The following POC1A variants were observed in gnomAD, a reference collection of about 807,000 sequenced individuals.
POC1A encodes the protein POC1 centriolar protein homolog A.
Under a neutral mutation model 47.8 loss-of-function variants are expected in POC1A, and 34 were observed. The observed-to-expected ratio is 0.71, with a 90% CI of 0.54 to 0.95. POC1A has a LOEUF of 0.95. POC1A is among the 40% of genes least tolerant of loss of function. POC1A has a pLI of 0.00. For missense variants in POC1A, 466 were observed against 528.3 expected, an observed-to-expected ratio of 0.88 and a Z score of 1.16; for synonymous variants, 177 against 207.6, an observed-to-expected ratio of 0.85 and a Z score of 1.27.
chr3:52,124,296 T>C (rs1024396152), intron 8 of POC1A, among the ~76,000 whole-genome samples: 1 of 152,198 alleles, frequency 6.6e-6, no homozygotes. Flanking sequence ...GGTTAGACTC[T>C]TCAGTGCTCC....
rs1276302367 is a variant in POC1A at position 52,149,903 on chromosome 3, G to A, written c.188C>T (p.Ala63Val). ...AGGAGAGAAGTTCACACAGGTGACGGCATCCTTGTGGCCAGTGAAGCGGTA... is the reference window on the plus strand; with the variant it reads ...AGGAGAGAAGTTCACACAGGTGACGACATCCTTGTGGCCAGTGAAGCGGTA... ...RAYRFTGHKDAVTCVNFSPSG... is the reference protein window; with the variant it reads ...RAYRFTGHKDVVTCVNFSPSG... Residue 63 changes from alanine to valine, a missense_variant, in exon 3 of 11, where the codon GCC (alanine) becomes GTC (valine). By Grantham distance (64) the Ala-to-Val change is moderately conservative. Coordinates refer to ENST00000296484, the MANE Select transcript of POC1A (RefSeq NM_015426.5). 6.2e-7 allele frequency: 1 copy of A among 1,613,834 alleles called. No individual in the cohort carries two copies. The highest frequency in any genetic ancestry group is 8.5e-7 in the Non-Finnish European group (1 of 1,179,992).
At chr3:52,114,656 C>T (rs1577862654) in intron 9 of POC1A, among the ~76,000 whole-genome samples, 1 of 152,182 alleles carries the variant, frequency 6.6e-6, no homozygotes, top group Non-Finnish European at 1.5e-5. Flanking sequence ...AGGCTATTCA[C>T]CAGCAGGTCA....
At chr3:52,103,385 G>A (rs1276747402) in intron 9 of POC1A, among the ~76,000 whole-genome samples, 1 of 152,208 alleles carries the variant, frequency 6.6e-6, no homozygotes, top group Non-Finnish European at 1.5e-5. Flanking sequence ...AATTAGCCAG[G>A]TGTGGTGGCG....
At chr3:52,103,249 G>A (rs190183728) in intron 9 of POC1A, among the ~76,000 whole-genome samples, 9 of 152,340 alleles carry the variant, frequency 5.9e-5, no homozygotes, top group African/African-American at 1.9e-4. Context: ...CTGTAAGGCC[G>A]GGTATAATGG....
rs532261897 is a variant in POC1A, at chr3:52,102,853, G to C, written c.982-6141C>G. ...CTCCCAAATCACCTATAGGCATCAA[G>C]AAGTTGATTCTAAAATTTACATGGA... On this transcript the variant is annotated intron_variant, in intron 9 of 10. Transcript: ENST00000296484. Among the ~76,000 whole-genome samples the C allele has an allele frequency of 3.3e-5, 5 of 152,246 alleles. No individual in the cohort carries two copies. In the East Asian group the frequency reaches 9.6e-4, roughly 29 times the overall value.
At chr3:52,103,575 A>G (rs1465028778) in intron 9 of POC1A, among the ~76,000 whole-genome samples, 1 of 152,144 alleles carries the variant, frequency 6.6e-6, no homozygotes, top group African/African-American at 2.4e-5. Flanking sequence ...TATAAAACTG[A>G]TACACATTTT....
At chr3:52,138,123 G>T in intron 7 of POC1A, 46 bp downstream of exon 7, 1 of 1,608,254 alleles carries the variant, frequency 6.2e-7, no homozygotes, top group Non-Finnish European at 8.5e-7. Context: ...AGACAGTGAA[G>T]GTACCACCAC....
At chr3:52,140,199 A>G (rs1698143940) in intron 6 of POC1A, among the ~76,000 whole-genome samples, 1 of 152,182 alleles carries the variant, frequency 6.6e-6, no homozygotes, top group Non-Finnish European at 1.5e-5. Context: ...GGGAGTCTGG[A>G]TACGTGTTCC....
rs149906693 is a variant in POC1A, at chr3:52,129,587, T to C, written c.814-4406A>G. Among the ~76,000 whole-genome samples, 1,513 of 152,272 alleles carry C rather than the reference T, an allele frequency of 9.9e-3. 12 individuals are homozygous for C. Among genetic ancestry groups the C allele is most frequent in the Middle Eastern group, 0.02 (6 of 294 alleles). On this transcript the variant is annotated intron_variant, in intron 7 of 10. Coordinates refer to ENST00000296484, the MANE Select transcript of POC1A (RefSeq NM_015426.5). ...GTGTGGATGCCGGCCTGCCCCCAGCTACCAGAGGTACCCACCTGTGGGAAG... is the reference window on the plus strand; with the variant it reads ...GTGTGGATGCCGGCCTGCCCCCAGCCACCAGAGGTACCCACCTGTGGGAAG...
At chr3:52,086,272 G>A (rs971683794) in intron 10 of POC1A, among the ~76,000 whole-genome samples, 1 of 152,180 alleles carries the variant, frequency 6.6e-6, no homozygotes, top group Non-Finnish European at 1.5e-5. Flanking sequence ...CAGGGCAAAC[G>A]TCCTGGGGCT....
chr3:52,112,365 C>A (rs1188162136), intron 9 of POC1A, among the ~76,000 whole-genome samples: 1 of 152,118 alleles, frequency 6.6e-6, no homozygotes, highest in Non-Finnish European at 1.5e-5. Context: ...GTTGGCTGGG[C>A]GTGGTGGCTC....
chr3:52,100,997 C>T (rs146422048), intron 9 of POC1A, among the ~76,000 whole-genome samples: 5 of 151,322 alleles, frequency 3.3e-5, no homozygotes, highest in Admixed American at 6.6e-5. Context: ...GGAGCAGGAC[C>T]GCTAAGAATG....
At chr3:52,107,302 G>A (rs1018220818) in intron 9 of POC1A, among the ~76,000 whole-genome samples, 1 of 152,224 alleles carries the variant, frequency 6.6e-6, no homozygotes, top group Admixed American at 6.5e-5. Context: ...GGAACACAGA[G>A]GGGGAGGACT....
At chr3:52,083,716 AGCTCCAGGTGGAGTCAGGCCCCTGCCACG>A (rs1320380998) in intron 10 of POC1A, among the ~76,000 whole-genome samples, 1 of 152,094 alleles carries the variant, frequency 6.6e-6, no homozygotes, top group African/African-American at 2.4e-5. Context: ...CCTGGGACTG[AGCTCCAGGTGGAGTCAGGCCCCTGCCACG>A]GCTCACCTGC....
chr3:52,148,147 C>T (rs947789160), intron 4 of POC1A, among the ~76,000 whole-genome samples: 12 of 152,184 alleles, frequency 7.9e-5, no homozygotes, highest in Non-Finnish European at 1.0e-4. Context: ...CCAGGTCCTC[C>T]GAGTCTACAT....
intron 6 of POC1A, among the ~76,000 whole-genome samples, chr3:52,142,139 T>G (rs1169992145): frequency 4.6e-5 from 7 of 152,226 alleles, no homozygotes; most frequent in Admixed American, 2.0e-4. Context: ...ATCTGTGAAA[T>G]GGAGGGTAGA....
intron 8 of POC1A, 48 bp from the exon 9 acceptor site, chr3:52,122,525 G>A (rs1003949147): frequency 4.2e-6 from 5 of 1,180,614 alleles, no homozygotes; most frequent in Admixed American, 1.7e-5. Context: ...AAATCCCCTT[G>A]CCAGTCCTTC....
At chr3:52,121,681 C>A (rs1703786545) in intron 9 of POC1A, among the ~76,000 whole-genome samples, 1 of 152,180 alleles carries the variant, frequency 6.6e-6, no homozygotes, top group African/African-American at 2.4e-5. Flanking sequence ...TCTGTATGGT[C>A]CAACGGAGAG....
chr3:52,077,583 T>C (rs1047377750), intron 10 of POC1A, among the ~76,000 whole-genome samples: 2 of 152,086 alleles, frequency 1.3e-5, no homozygotes, highest in African/African-American at 4.8e-5. Context: ...ACCATCACAT[T>C]CCCCCTGTGC....
Sources: gnomAD v4.1 joint callset for allele counts (sites outside exome capture counted in the v4.1 genomes callset) on GRCh38, gnomAD v4.1.1 for gene constraint, MANE v1.5 for transcripts, NCBI Gene and HGNC (gene_info 2026-07-23, HGNC 2026-07-21) for gene names.